Variants in PHEX observed in about 807,000 individuals in gnomAD.
PHEX encodes the protein phosphate regulating endopeptidase X-linked.
PHEX carries 16 observed loss-of-function variants against 68.0 expected under a neutral mutation model. The observed-to-expected ratio is 0.24, with a 90% CI of 0.16 to 0.36. The LOEUF (loss-of-function observed/expected upper bound fraction) is 0.36, where lower values mean the gene tolerates loss of function less well. Ranked by LOEUF, PHEX falls within the 10% of genes least tolerant of loss-of-function variation. PHEX has a pLI of 1.00. For synonymous variants in PHEX, 208 were observed against 205.1 expected (o/e 1.01, Z -0.12); for missense variants, 480 against 575.5 (o/e 0.83, Z 1.70).
chrX:22,129,542 T>C (rs1018694308), intron 11 of PHEX, among the ~76,000 whole-genome samples: 1 of 111,406 alleles, frequency 9.0e-6, no homozygotes, highest in Non-Finnish European at 1.9e-5. Flanking sequence ...ATCTAATCTT[T>C]AGATTCTTCT....
chrX:22,109,899 A>G (rs755544416), intron 9 of PHEX, among the ~76,000 whole-genome samples: 1 of 112,234 alleles, frequency 8.9e-6, no homozygotes, highest in East Asian at 2.8e-4. Flanking sequence ...CTAGAAATTG[A>G]CTATTTGTCA....
intron 18 of PHEX, among the ~76,000 whole-genome samples, chrX:22,223,293 G>C (rs998898693): frequency 8.9e-6 from 1 of 111,754 alleles, no homozygotes; most frequent in African/African-American, 3.3e-5. Context: ...GATGCAGACT[G>C]TCAGCAGCTG....
chrX:22,165,033 T>C (rs1933265976), intron 12 of PHEX, among the ~76,000 whole-genome samples: 1 of 112,280 alleles, frequency 8.9e-6, no homozygotes, highest in Non-Finnish European at 1.9e-5. Context: ...GCTTCAGGAT[T>C]CTGCTGATAT....
In PHEX at chrX:22,056,142, CTG is replaced by C. The variant is rs768008755; in HGVS notation, c.349+8934_349+8935del. On this transcript the variant is annotated intron_variant, in intron 3 of 21. Coordinates refer to ENST00000379374, the MANE Select transcript of PHEX (RefSeq NM_000444.6). ...TGCACAACATTTTGATTGTACTACT[CTG>C]TGAAAATAGTCTTATTTACCAAGCA... 7.6e-4 allele frequency among the ~76,000 whole-genome samples: 85 copies of C among 112,314 alleles called. 1 individual carries two copies. Among genetic ancestry groups the C allele is most frequent in the Non-Finnish European group, 1.4e-3 (74 of 53,300 alleles).
chrX:22,235,462 G>C (rs1935941439), intron 20 of PHEX, among the ~76,000 whole-genome samples: 1 of 111,883 alleles, frequency 8.9e-6, no homozygotes, highest in Non-Finnish European at 1.9e-5. Context: ...TCTGCGATCA[G>C]AGTGCTAGTG....
chrX:22,190,567 A>T (rs1303634600), intron 15 of PHEX, 65 bp downstream of exon 15: 4 of 712,653 alleles, frequency 5.6e-6, no homozygotes, highest in Non-Finnish European at 9.1e-6. Flanking sequence ...TTCCATGACT[A>T]TGATGGAGGG....
At chrX:22,157,838 T>G (rs758715924) in intron 12 of PHEX, among the ~76,000 whole-genome samples, 1 of 112,207 alleles carries the variant, frequency 8.9e-6, no homozygotes, top group Non-Finnish European at 1.9e-5. Flanking sequence ...CTTTCCTGTC[T>G]TTTACTTCTT....
intron 10 of PHEX, among the ~76,000 whole-genome samples, 170 bp from the exon 11 acceptor site, chrX:22,114,288 A>G (rs944523094): frequency 9.0e-6 from 1 of 111,199 alleles, no homozygotes; most frequent in African/African-American, 3.3e-5. Context: ...AATGGGGACA[A>G]GCAGAATTTT....
intron 9 of PHEX, among the ~76,000 whole-genome samples, chrX:22,108,942 C>CAA (rs34267547): frequency 0.23 from 16,881 of 73,087 alleles, 1,509 homozygotes; most frequent in Middle Eastern, 0.26. Flanking sequence ...ACTCCATCTT[C>CAA]AAAAAAAAAA....
chrX:22,153,391 T>TTCAC (rs1234950429), intron 12 of PHEX, among the ~76,000 whole-genome samples: 1 of 112,245 alleles, frequency 8.9e-6, no homozygotes. Context: ...ATAGCCAGAA[T>TTCAC]TCACGCTGTT....
chrX:22,211,976 A>G (rs1265074033), intron 15 of PHEX, among the ~76,000 whole-genome samples: 2 of 111,542 alleles, frequency 1.8e-5, no homozygotes, highest in South Asian at 3.8e-4. Flanking sequence ...ACCTGGCCCC[A>G]CCCTTGACAC....
In PHEX at chrX:22,190,529, G is replaced by A. The variant is rs1302905743; in HGVS notation, c.1645+27G>A. 6 of 1,009,664 alleles carry A rather than the reference G, an allele frequency of 5.9e-6. No individual in the cohort carries two copies. In the East Asian group the frequency reaches 1.5e-4, roughly 25 times the overall value. The allele number at this position is 1,009,664 out of a possible 1,213,427, so 83.2% of individuals were successfully genotyped here. On this transcript the variant is annotated intron_variant, in intron 15 of 21. Transcript: ENST00000379374. ...TGAGTACGGGTTCCTTGTCTCCTTG[G>A]TAACCTGGTATAAAATGCAAAGAAC...
chrX:22,166,142 T>C (rs1320351951), intron 12 of PHEX, among the ~76,000 whole-genome samples: 2 of 112,067 alleles, frequency 1.8e-5, no homozygotes, highest in Non-Finnish European at 3.8e-5. Context: ...ATCTAAATGA[T>C]GGTTATGACA....
intron 5 of PHEX, among the ~76,000 whole-genome samples, chrX:22,082,028 T>C (rs916697337): frequency 2.7e-5 from 3 of 112,214 alleles, no homozygotes; most frequent in African/African-American, 9.7e-5. Flanking sequence ...TCGTAAAAAA[T>C]GGCAAGGAGA....
chrX:22,167,700 G>T (rs1933381460), intron 12 of PHEX, among the ~76,000 whole-genome samples: 2 of 108,959 alleles, frequency 1.8e-5, no homozygotes, highest in Non-Finnish European at 3.8e-5. Flanking sequence ...CCGCTGTGTT[G>T]CCCAGGCTGG....
chrX:22,036,064 T>A lies in PHEX; in HGVS notation c.119-2405T>A, dbSNP rs1448740800. Among the ~76,000 whole-genome samples, 21 of 82,482 alleles carry A rather than the reference T, an allele frequency of 2.5e-4. No individual in the cohort carries two copies. The East Asian group carries it at 4.5e-3, about 18-fold the overall frequency. 71.6% of individuals were successfully genotyped at this position (82,482 alleles called of 115,157 possible). On this transcript the variant is annotated intron_variant, in intron 1 of 21. Transcript: ENST00000379374. ...TATATATATATATATATTTTTTTTT[T>A]TTTTTTTTTTTTTGAGACGGAGTCT...
intron 3 of PHEX, among the ~76,000 whole-genome samples, chrX:22,060,221 T>C (rs1411857708): frequency 1.8e-5 from 2 of 109,806 alleles, no homozygotes; most frequent in Non-Finnish European, 3.8e-5. Flanking sequence ...GTGCAAATGA[T>C]TGGAAATAGT....
At chrX:22,224,704 C>T (rs868067721) in intron 18 of PHEX, among the ~76,000 whole-genome samples, 1 of 110,429 alleles carries the variant, frequency 9.1e-6, no homozygotes, top group Non-Finnish European at 1.9e-5. Context: ...AAAGAATATA[C>T]GTAAAGCAGG....
intron 11 of PHEX, among the ~76,000 whole-genome samples, chrX:22,123,103 C>G (rs773653310): frequency 9.4e-6 from 1 of 106,894 alleles, no homozygotes; most frequent in Non-Finnish European, 1.9e-5. Context: ...CATCTTCCCA[C>G]TTTAGCCTGC....
Sources: allele counts gnomAD v4.1 joint callset (sites outside exome capture counted in the v4.1 genomes callset), GRCh38; gene constraint gnomAD v4.1.1; transcripts MANE v1.5; gene names NCBI Gene and HGNC (gene_info 2026-07-23, HGNC 2026-07-21).